The following MAP3K13 variants were observed in gnomAD, a reference collection of about 807,000 sequenced individuals.
The protein encoded by MAP3K13 is leucine zipper-bearing kinase.
A neutral mutation model predicts 104.0 loss-of-function variants in MAP3K13; 52 were observed. The ratio of observed to expected loss-of-function variants is 0.50; its 90% CI spans 0.40 to 0.63. The LOEUF is 0.63. MAP3K13 is among the 20% of genes least tolerant of loss of function. The pLI is 0.00. For synonymous variants in MAP3K13, 394 were observed against 442.2 expected, an observed-to-expected ratio of 0.89 and a Z score of 1.37; for missense variants, 914 against 1,218.5, an observed-to-expected ratio of 0.75 and a Z score of 3.72.
intron 1 of MAP3K13, among the ~76,000 whole-genome samples, chr3:185,397,604 T>A (rs895282742): frequency 2.6e-5 from 4 of 152,226 alleles, no homozygotes; most frequent in African/African-American, 9.6e-5. Context: ...ATTTTATTAA[T>A]TGTTTACAAA....
chr3:185,435,756 T>C (rs1714994708), intron 2 of MAP3K13, among the ~76,000 whole-genome samples: 2 of 152,208 alleles, frequency 1.3e-5, no homozygotes, highest in Non-Finnish European at 2.9e-5. Context: ...TGAGAAAACA[T>C]TTTATTAAGA....
intron 2 of MAP3K13, among the ~76,000 whole-genome samples, chr3:185,322,047 A>G (rs9867735): frequency 0.78 from 119,441 of 152,228 alleles, 47,300 homozygotes; most frequent in Non-Finnish European, 0.84. Context: ...CTCCTGTAAG[A>G]ACATTCTATG....
intron 2 of MAP3K13, chr3:185,291,903 CAAAAAAA>C (rs139816082): frequency 3.4e-4 from 312 of 914,028 alleles, no homozygotes; most frequent in African/African-American, 6.6e-4. Flanking sequence ...CAGTGCTTTC[CAAAAAAA>C]AAAAAAAAAA....
At chr3:185,410,534 A>G (rs1277367671) in intron 1 of MAP3K13, among the ~76,000 whole-genome samples, 1 of 152,206 alleles carries the variant, frequency 6.6e-6, no homozygotes, top group Non-Finnish European at 1.5e-5. Flanking sequence ...AATGTTCAAG[A>G]TGATGTATAT....
intron 1 of MAP3K13, among the ~76,000 whole-genome samples, chr3:185,407,275 GC>G (rs973140779): frequency 1.6e-4 from 25 of 152,182 alleles, no homozygotes; most frequent in African/African-American, 6.0e-4. Flanking sequence ...TCTAAGGTTG[GC>G]TTTCAGATTC....
chr3:185,347,340 T>C (rs1560058468), intron 2 of MAP3K13, among the ~76,000 whole-genome samples: 1 of 152,218 alleles, frequency 6.6e-6, no homozygotes, highest in Non-Finnish European at 1.5e-5. Context: ...GATACAGATA[T>C]ATCAAGGTGT....
chr3:185,421,251 T>C (rs1465805633), intron 1 of MAP3K13, among the ~76,000 whole-genome samples: 2 of 151,178 alleles, frequency 1.3e-5, no homozygotes, highest in Non-Finnish European at 2.9e-5. Context: ...TGAAGTGCAG[T>C]GGCAGCATCT....
intron 1 of MAP3K13, among the ~76,000 whole-genome samples, chr3:185,382,323 TC>T (rs1222186381): frequency 6.6e-6 from 1 of 152,204 alleles, no homozygotes; most frequent in African/African-American, 2.4e-5. Context: ...ATCTTACTCA[TC>T]AAAATATCTT....
rs781345761 is a variant in MAP3K13 at position 185,473,507 on chromosome 3, G to A, written c.2176G>A (p.Ala726Thr). The A allele has an allele frequency of 7.4e-6, 12 of 1,614,194 alleles. No individual in the cohort carries two copies. In the Admixed American group the frequency reaches 1.5e-4, roughly 20 times the overall value. The change falls in exon 11 of 14, where the codon GCT (alanine) becomes ACT (threonine). Residue 726 changes from alanine to threonine, a missense_variant. By Grantham distance (58) the Ala-to-Thr change is moderately conservative. Around this residue, in one of 3 missense-constraint regions of MAP3K13, gnomAD observed 583 missense variants for 737.4 expected, o/e 0.79. Transcript: ENST00000265026. The surrounding 1 kb of genome is among the most constrained non-coding windows in gnomAD (Gnocchi z 4.9). ...AGCTGGTCCCTGGGGCTGTTGCCAGGCTGACGCTTATGACCCCTGCCTTCA... is the reference window on the plus strand; with the variant it reads ...AGCTGGTCCCTGGGGCTGTTGCCAGACTGACGCTTATGACCCCTGCCTTCA... Reference protein sequence around the residue: ...GQAGPWGCCQADAYDPCLQCR... With the variant: ...GQAGPWGCCQTDAYDPCLQCR...
chr3:185,343,388 G>A (rs12629864), intron 2 of MAP3K13, among the ~76,000 whole-genome samples: 13,775 of 152,134 alleles, frequency 0.091, 861 homozygotes, highest in East Asian at 0.21. Context: ...AAAAGGCAAC[G>A]GAGTGCCTTG....
At chr3:185,452,686 G>A (rs1012538773) in intron 7 of MAP3K13, among the ~76,000 whole-genome samples, 1 of 152,174 alleles carries the variant, frequency 6.6e-6, no homozygotes, top group Non-Finnish European at 1.5e-5. Context: ...CTGGGAGGCT[G>A]GCTGGTCCTA....
At chr3:185,434,274 T>C (rs1245174200) in intron 2 of MAP3K13, among the ~76,000 whole-genome samples, 1 of 152,154 alleles carries the variant, frequency 6.6e-6, no homozygotes, top group East Asian at 1.9e-4. Flanking sequence ...ACAAAGGGGT[T>C]TTGACAATTC....
chr3:185,480,044 T>TG, intron 12 of MAP3K13, 188 bp from the exon 13 acceptor site: 1 of 621,316 alleles, frequency 1.6e-6, no homozygotes, highest in Non-Finnish European at 2.8e-6. Context: ...TGGAATTTCA[T>TG]GGGGGATAAA....
chr3:185,430,723 CA>C (rs1027429547), intron 2 of MAP3K13, among the ~76,000 whole-genome samples: 42 of 151,898 alleles, frequency 2.8e-4, no homozygotes, highest in Non-Finnish European at 5.3e-4. Context: ...AGGTAAGCTC[CA>C]AAAAAATTTT....
rs572871680 is a variant in MAP3K13, at chr3:185,311,537, G to A, written c.-86+25894G>A. Among the ~76,000 whole-genome samples the A allele has an allele frequency of 2.4e-4, 37 of 152,268 alleles. 1 individual carries two copies. The East Asian group carries it at 6.2e-3, about 25-fold the overall frequency. On this transcript the variant is annotated intron_variant, in intron 2 of 14. Coordinates refer to the MAP3K13 transcript ENST00000424227. The stretch of plus-strand genomic sequence containing the variant: ...AAACCATATCATCCTGTAATCTCAT[G>A]TGTCTACCATAAGCCCCAACCCAGA...
chr3:185,325,357 T>C (rs1722010284), intron 2 of MAP3K13, among the ~76,000 whole-genome samples: 1 of 152,206 alleles, frequency 6.6e-6, no homozygotes, highest in Non-Finnish European at 1.5e-5. Context: ...TGATCTCATT[T>C]TGAGATCCTT....
At chr3:185,310,267 A>G (rs1721449447) in intron 2 of MAP3K13, among the ~76,000 whole-genome samples, 1 of 152,250 alleles carries the variant, frequency 6.6e-6, no homozygotes, top group Non-Finnish European at 1.5e-5. Context: ...GTTGCCTGAC[A>G]GAATAGGCAT....
intron 2 of MAP3K13, among the ~76,000 whole-genome samples, chr3:185,307,623 A>C (rs1721340293): frequency 7.9e-6 from 1 of 126,346 alleles, no homozygotes; most frequent in South Asian, 2.6e-4. Flanking sequence ...GGCTCCCTGC[A>C]ACCTCCGCCT....
intron 2 of MAP3K13, among the ~76,000 whole-genome samples, chr3:185,286,767 C>T (rs1720529140): frequency 6.6e-6 from 1 of 152,078 alleles, no homozygotes. Context: ...GAATTATTGA[C>T]AGATTACCCT....
Sources: allele counts gnomAD v4.1 joint callset (sites outside exome capture counted in the v4.1 genomes callset), GRCh38; gene constraint gnomAD v4.1.1; regional missense constraint gnomAD v4.1.1; non-coding constraint Gnocchi (gnomAD v3.1); transcripts MANE v1.5; gene names NCBI Gene and HGNC (gene_info 2026-07-23, HGNC 2026-07-21).